The following ERCC2 variants were observed in gnomAD, a reference collection of about 807,000 sequenced individuals.
ERCC2 encodes the protein general transcription and DNA repair factor IIH helicase subunit XPD.
In ERCC2, 90 loss-of-function variants were observed where a neutral mutation model predicts 99.4. The observed-to-expected ratio is 0.91, with a 90% CI of 0.76 to 1.08. The LOEUF (loss-of-function observed/expected upper bound fraction) is 1.08, where lower values mean the gene tolerates loss of function less well. ERCC2 is among the 50% of genes least tolerant of loss of function. The pLI is 0.00. For missense variants in ERCC2, 993 were observed against 1,038.1 expected (o/e 0.96, Z 0.60); for synonymous variants, 497 against 432.4 (o/e 1.15, Z -1.85).
In ERCC2 at chr19:45,351,453, C is replaced by G; in HGVS notation, c.*176G>C. 4 of 1,583,024 alleles carry G rather than the reference C, an allele frequency of 2.5e-6. No homozygotes were observed. Among genetic ancestry groups the G allele is most frequent in the Middle Eastern group, 1.7e-4 (1 of 5,920 alleles). ...GGGGTCTATCATCTCCTGGCCCCCC[C>G]TTGCCTCTGGGTACCTGGTGGATAG... On this transcript the variant is annotated 3_prime_UTR_variant, in exon 23 of 23. Transcript: ENST00000391945.
intron 1 of ERCC2, 117 bp downstream of exon 1, chr19:45,370,414 CCCCCG>C (rs1972567901): frequency 6.7e-7 from 1 of 1,496,058 alleles, no homozygotes; most frequent in Admixed American, 2.1e-5. Context: ...CCTGCGGCTG[CCCCCG>C]TCCCACCCCT....
intron 17 of ERCC2, 26 bp downstream of exon 17, chr19:45,354,704 T>A (rs1971952514): frequency 1.2e-6 from 2 of 1,612,880 alleles, no homozygotes; most frequent in Non-Finnish European, 1.7e-6. Context: ...GGAGAGCAGG[T>A]GCAGGGAGGG....
Position 45,353,117 on chromosome 19 carries a change from C to T in ERCC2, c.1797G>A (p.Val599=). Residue 599 remains valine (V), a synonymous_variant, in exon 19 of 23, where the codon GTG becomes GTA. Transcript: ENST00000391945. ...TTCCCTCGGACACTTTGCCCCGGGC[C>T]ACTGACAGCAGGATGGCCCCGCGGC... The part of the protein sequence containing the change: ...ENGRGAILLS[V]ARGKVSEGID... 2 of 1,613,600 alleles carry T rather than the reference C, an allele frequency of 1.2e-6. No individual in the cohort carries two copies. The highest frequency in any genetic ancestry group is 1.1e-5 in the South Asian group (1 of 91,066).
chr19:45,369,168 G>A (rs1218135510), intron 2 of ERCC2, 21 bp from the exon 3 acceptor site: 1 of 1,606,620 alleles, frequency 6.2e-7, no homozygotes, highest in Non-Finnish European at 8.5e-7. Flanking sequence ...GGGACCAGAG[G>A]GGCAACACAC....
chr19:45,353,206 C>T (rs1279709242), intron 18 of ERCC2, 36 bp downstream of exon 18: 2 of 1,612,246 alleles, frequency 1.2e-6, no homozygotes, highest in Non-Finnish European at 1.7e-6. Context: ...AGAGCCACCT[C>T]CCCGACCCCT....
chr19:45,353,021 C>T (rs1488470795), intron 19 of ERCC2, 62 bp downstream of exon 19: 29 of 1,533,102 alleles, frequency 1.9e-5, no homozygotes, highest in African/African-American at 5.5e-5. Context: ...GACAGCAGAG[C>T]GGGCAGGTGT....
Position 45,350,870 on chromosome 19 carries a change from A to G in ERCC2, c.*759T>C, listed in dbSNP as rs1971725225. 1 of 1,519,328 alleles carries G rather than the reference A, an allele frequency of 6.6e-7. No homozygotes were observed. The highest frequency in any genetic ancestry group is 1.1e-5 in the South Asian group (1 of 88,072). The allele number at this position is 1,519,328 out of a possible 1,614,324, so 94.1% of individuals were successfully genotyped here. Reference sequence around the variant, plus strand: ...CCCATCTCCCCTGTGATACACACAGATCAAACCCTGTGCTGGAAAGGTCCC... The same window carrying G: ...CCCATCTCCCCTGTGATACACACAGGTCAAACCCTGTGCTGGAAAGGTCCC... On this transcript the variant is annotated 3_prime_UTR_variant, in exon 23 of 23. Coordinates refer to ENST00000391945, the MANE Select transcript of ERCC2 (RefSeq NM_000400.4).
chr19:45,350,798 G>GCCCACCCCACC lies in ERCC2; in HGVS notation c.*820_*830dup. The GCCCACCCCACC allele has an allele frequency of 7.0e-7, 1 of 1,434,616 alleles. No homozygotes were observed. Among genetic ancestry groups the GCCCACCCCACC allele is most frequent in the Admixed American group, 1.9e-5 (1 of 51,838 alleles). The allele number at this position is 1,434,616 out of a possible 1,614,324, so 88.9% of individuals were successfully genotyped here. A position where few individuals can be genotyped will look rare whatever the true frequency, so the allele number is the denominator to read the frequency against. On this transcript the variant is annotated 3_prime_UTR_variant, in exon 23 of 23. Transcript: ENST00000391945. ...AGCCCTGACATCAGCAGAATCCACA[G>GCCCACCCCACC]CCCACCCCACCCCCACCCCCATCTT... is the stretch of plus-strand genomic sequence containing the variant.
rs762807090 is a variant in ERCC2, at chr19:45,352,196, A to T, written c.2190+13T>A. 9.9e-6 allele frequency: 16 copies of T among 1,612,796 alleles called. No homozygotes were observed. In the South Asian group the frequency reaches 1.5e-4, roughly 16 times the overall value. ...AGCCTGGGAGGGTGCCGGGAGGGGG[A>T]CGCAGGCCTCACCCGGTGGAAGGGC... On this transcript the variant is annotated intron_variant, in intron 22 of 22. Transcript: ENST00000391945.
At chr19:45,352,407 C>T in intron 21 of ERCC2, 55 bp from the exon 22 acceptor site, 1 of 1,613,738 alleles carries the variant, frequency 6.2e-7, no homozygotes, top group Non-Finnish European at 8.5e-7. Context: ...GCCTGGGCCA[C>T]TCTCCACCCT....
In ERCC2 at chr19:45,349,916, C is replaced by T. The variant is rs573448607; in HGVS notation, c.*1713G>A. On this transcript the variant is annotated 3_prime_UTR_variant, in exon 23 of 23. Coordinates refer to ENST00000391945, the MANE Select transcript of ERCC2 (RefSeq NM_000400.4). ...GTCCCCACATCGCTAGTTCTTATAG[C>T]GTCCCTATGAGGTGGGAGCTGTCGC... 8.5e-5 allele frequency: 37 copies of T among 435,322 alleles called. No individual in the cohort carries two copies. Among genetic ancestry groups the T allele is most frequent in the Admixed American group, 1.6e-4 (4 of 24,670 alleles). The allele number at this position is 435,322 out of a possible 1,614,324, so 27.0% of individuals were successfully genotyped here.
chr19:45,356,191 G>GC (rs1388076834), intron 15 of ERCC2, among the ~76,000 whole-genome samples: 1 of 152,112 alleles, frequency 6.6e-6, no homozygotes, highest in Non-Finnish European at 1.5e-5. Context: ...CCCTCGCCAT[G>GC]CCGGCGGGCA....
intron 2 of ERCC2, among the ~76,000 whole-genome samples, chr19:45,369,423 T>G (rs1296700092): frequency 6.6e-6 from 1 of 151,972 alleles, no homozygotes; most frequent in Non-Finnish European, 1.5e-5. Flanking sequence ...TCCCAGCACT[T>G]TGGGAGGCTG....
At position 45,352,294 on chromosome 19, in the gene ERCC2, G is replaced by A. The variant is rs778708101; in HGVS notation, c.2105C>T (p.Thr702Ile). The A allele has an allele frequency of 4.3e-6, 7 of 1,614,116 alleles. No individual in the cohort carries two copies. In the East Asian group the frequency reaches 6.7e-5, roughly 15 times the overall value. The stretch of plus-strand genomic sequence containing the variant: ...CACGGTCAGGTTGAGGTTGGCATCT[G>A]TGAGGTGCTCCTGGATCCAGCGGGG... ...KLPRWIQEHLTDANLNLTVDE... is the reference protein window; with the variant it reads ...KLPRWIQEHLIDANLNLTVDE... Residue 702 changes from threonine to isoleucine, a missense_variant, in exon 22 of 23, where the codon ACA becomes ATA. This residue lies in a region of ERCC2 where 909 missense variants were observed against 930.8 expected (regional missense o/e 0.98). Coordinates refer to ENST00000391945, the MANE Select transcript of ERCC2 (RefSeq NM_000400.4).
Position 45,361,653 on chromosome 19 carries a change from GGA to G in ERCC2, c.1119-13_1119-12del, listed in dbSNP as rs1972224539. 6.3e-7 allele frequency: 1 copy of G among 1,592,682 alleles called. No homozygotes were observed. The highest frequency in any genetic ancestry group is 8.6e-7 in the Non-Finnish European group (1 of 1,160,848). ...CGTTCAGCACAGAATCTGGCGGGGA[GGA>G]GAGACGGGGTCGGGGGGCAGACGGA... On this transcript the variant is annotated splice_polypyrimidine_tract_variant and intron_variant, in intron 11 of 22. Coordinates refer to ENST00000391945, the MANE Select transcript of ERCC2 (RefSeq NM_000400.4).
At chr19:45,353,573 C>T (rs374422817) in intron 17 of ERCC2, among the ~76,000 whole-genome samples, 1 of 152,168 alleles carries the variant, frequency 6.6e-6, no homozygotes, top group Non-Finnish European at 1.5e-5. Flanking sequence ...GGTGGCCAAT[C>T]AGGGCACCCC....
At position 45,350,664 on chromosome 19, in the gene ERCC2, CTCCA is replaced by C. The variant is rs1568527721; in HGVS notation, c.*961_*964del. ...AGGCCCTTCGCCGCAGCAGCTCACT[CTCCA>C]AGATCCGTGAGTCTATCAGGCGAGG... On this transcript the variant is annotated 3_prime_UTR_variant, in exon 23 of 23. Transcript: ENST00000391945. 3.7e-6 allele frequency: 6 copies of C among 1,613,504 alleles called. No homozygotes were observed. The Admixed American group carries it at 6.7e-5, about 18-fold the overall frequency.
chr19:45,355,797 G>C (rs973830255), intron 15 of ERCC2, 69 bp from the exon 16 acceptor site: 5 of 1,193,118 alleles, frequency 4.2e-6, no homozygotes, highest in South Asian at 2.4e-5. Flanking sequence ...CTGACCACCT[G>C]CTGGTGCTGT....
At chr19:45,370,509 G>A (rs1436148830) in intron 1 of ERCC2, 27 bp downstream of exon 1, 35 of 1,509,514 alleles carry the variant, frequency 2.3e-5, no homozygotes, top group Non-Finnish European at 3.0e-5. Context: ...GCCCGCTAGC[G>A]AGCGCGACCC....
Sources: gnomAD v4.1 joint callset for allele counts (sites outside exome capture counted in the v4.1 genomes callset) on GRCh38, gnomAD v4.1.1 for gene constraint, gnomAD v4.1.1 regional missense constraint, MANE v1.5 for transcripts, NCBI Gene and HGNC (gene_info 2026-07-23, HGNC 2026-07-21) for gene names.